The following PSMD8 variants were observed in gnomAD, a reference collection of about 807,000 sequenced individuals.
PSMD8 encodes proteasome 26S subunit, non-ATPase 8, also known as 26S proteasome non-ATPase regulatory subunit 8.
Under a neutral mutation model 40.0 loss-of-function variants are expected in PSMD8, and 30 were observed. The observed-to-expected ratio is 0.75, with a 90% CI of 0.56 to 1.02. The LOEUF is 1.02. Among genes scored for constraint, PSMD8 ranks in the 50% least tolerant of loss-of-function variants. The pLI, the probability that PSMD8 is intolerant of heterozygous loss-of-function variation, is 0.00. For synonymous variants in PSMD8, 208 were observed against 192.5 expected (o/e 1.08, Z -0.67); for missense variants, 461 against 463.9 (o/e 0.99, Z 0.06).
intron 6 of PSMD8, 97 bp from the exon 7 acceptor site, chr19:38,383,156 A>G (rs1276404639): frequency 6.7e-7 from 1 of 1,497,040 alleles, no homozygotes; most frequent in Admixed American, 1.8e-5. Flanking sequence ...TGGTGAGAAA[A>G]GAGAGCATAG....
intron 6 of PSMD8, 150 bp from the exon 7 acceptor site, chr19:38,383,103 A>C: frequency 1.1e-6 from 1 of 936,912 alleles, no homozygotes; most frequent in Non-Finnish European, 1.6e-6. Context: ...TGAGGCACAG[A>C]GAGGTGAAGT....
chr19:38,376,084 C>G (rs1970595097), intron 1 of PSMD8, 76 bp from the exon 2 acceptor site: 7 of 1,383,390 alleles, frequency 5.1e-6, no homozygotes, highest in Non-Finnish European at 7.0e-6. Flanking sequence ...GTGGGAAGAC[C>G]AGAGCGTAGA....
chr19:38,377,589 C>G (rs560619923), intron 3 of PSMD8, among the ~76,000 whole-genome samples: 1 of 152,064 alleles, frequency 6.6e-6, no homozygotes, highest in African/African-American at 2.4e-5. Flanking sequence ...CTCTGCCTCC[C>G]GGGTTCAAGC....
rs1464536904 is a variant in PSMD8, at chr19:38,376,762, A to C, written c.536+308A>C. 2.0e-5 allele frequency among the ~76,000 whole-genome samples: 3 copies of C among 152,088 alleles called. No homozygotes were observed. In the East Asian group the frequency reaches 5.8e-4, roughly 29 times the overall value. On this transcript the variant is annotated intron_variant, in intron 3 of 6. Coordinates refer to ENST00000215071, the MANE Select transcript of PSMD8 (RefSeq NM_002812.5). ...CTGTGGCAGCCAGTAGGATCATGTG[A>C]CACTAAAATTTGACACTGTCCATAC... is the stretch of plus-strand genomic sequence containing the variant.
intron 6 of PSMD8, chr19:38,382,834 C>T (rs2145130896): frequency 5.4e-6 from 1 of 185,024 alleles, no homozygotes; most frequent in Non-Finnish European, 1.1e-5. Flanking sequence ...TTGCTTGAAC[C>T]CAGGAGGGTG....
Position 38,380,955 on chromosome 19 carries a change from C to A in PSMD8, c.759C>A (p.Ala253=). The A allele has an allele frequency of 6.3e-7, 1 of 1,591,180 alleles. No homozygotes were observed. The highest frequency in any genetic ancestry group is 8.6e-7 in the Non-Finnish European group (1 of 1,167,952). Residue 253 remains alanine (A), a synonymous_variant, in exon 5 of 7, where the codon GCC becomes GCA. Transcript: ENST00000215071. Reference sequence around the variant, plus strand: ...TCCTGGCCAAGGGTAACATCCCCGCCGAGAGCTACACCTTCTTCATTGACA... The same window carrying A: ...TCCTGGCCAAGGGTAACATCCCCGCAGAGAGCTACACCTTCTTCATTGACA... ...KVFLAKGNIP[A]ESYTFFIDIL...
chr19:38,381,810 A>T (rs1970642715), intron 5 of PSMD8, among the ~76,000 whole-genome samples: 1 of 152,152 alleles, frequency 6.6e-6, no homozygotes, highest in Non-Finnish European at 1.5e-5. Flanking sequence ...GTGTTATGAG[A>T]AGAGATGCCC....
At chr19:38,380,861 C>T (rs1442530505) in intron 4 of PSMD8, 38 bp from the exon 5 acceptor site, 3 of 1,488,650 alleles carry the variant, frequency 2.0e-6, no homozygotes, top group African/African-American at 1.4e-5. Context: ...GCAGCCTCCT[C>T]TTCATTCTCT....
intron 1 of PSMD8, chr19:38,375,609 T>G: frequency 5.6e-6 from 1 of 177,196 alleles, no homozygotes; most frequent in Non-Finnish European, 1.2e-5. Context: ...GGCAGCCTAG[T>G]TGTGAAGGCA....
At chr19:38,375,223 G>A in intron 1 of PSMD8, 1 of 539,146 alleles carries the variant, frequency 1.9e-6, no homozygotes, top group Non-Finnish European at 3.2e-6. Flanking sequence ...GGGGAGCGTC[G>A]CTTGAGCCCA....
Position 38,374,617 on chromosome 19 carries a change from AG to A in PSMD8, c.19del (p.Ala7LeufsTer17). 6.7e-7 allele frequency: 1 copy of A among 1,494,874 alleles called. No homozygotes were observed. The highest frequency in any genetic ancestry group is 1.8e-4 in the Middle Eastern group (1 of 5,656). The allele number at this position is 1,494,874 out of a possible 1,614,324, so 92.6% of individuals were successfully genotyped here. A position where few individuals can be genotyped will look rare whatever the true frequency, so the allele number is the denominator to read the frequency against. MFIKG[R>X]APRAPPRERR... is the part of the protein sequence containing the mutation. ...TCCAACTGACATGTTCATTAAGGGC[AG>A]GGCTCCGAGGGCGCCACCTCGAGAG... On this transcript the variant is annotated frameshift_variant, in exon 1 of 7. Transcript: ENST00000215071. LOFTEE classifies it high-confidence loss of function.
intron 3 of PSMD8, among the ~76,000 whole-genome samples, chr19:38,377,509 T>A (rs553477961): frequency 4.0e-5 from 6 of 151,894 alleles, no homozygotes; most frequent in Non-Finnish European, 7.4e-5. Context: ...ACTTTTTTTT[T>A]TTTTGAGACG....
Position 38,383,384 on chromosome 19 carries a change from C to T in PSMD8, c.1047C>T (p.Ile349=), listed in dbSNP as rs1429790057. ...AGTATGCCCGGCAGCTGGAGATGAT[C>T]GTCTGAGCCCCCCGGGCACTGGGTG... ...VIEYARQLEM[I]V is the part of the protein sequence containing the mutation. Residue 349 remains isoleucine (I), a synonymous_variant, in exon 7 of 7, where the codon ATC becomes ATT. Coordinates refer to ENST00000215071, the MANE Select transcript of PSMD8 (RefSeq NM_002812.5). The T allele has an allele frequency of 6.2e-6, 10 of 1,613,774 alleles. No homozygotes were observed. Among genetic ancestry groups the T allele is most frequent in the South Asian group, 1.1e-5 (1 of 91,078 alleles).
Position 38,379,405 on chromosome 19 carries a change from A to C in PSMD8, c.702A>C (p.Gln234His). 1 of 1,613,896 alleles carries C rather than the reference A, an allele frequency of 6.2e-7. No individual in the cohort carries two copies. The highest frequency in any genetic ancestry group is 8.5e-7 in the Non-Finnish European group (1 of 1,179,836). Residue 234 changes from glutamine to histidine, a missense_variant and splice_region_variant, in exon 4 of 7, where the codon CAA (glutamine) becomes CAC (histidine). Gln to His is a conservative substitution (Grantham distance 24, BLOSUM62 0). Around this residue, in one of 2 missense-constraint regions of PSMD8, gnomAD observed 236 missense variants for 321.2 expected, o/e 0.73. Transcript: ENST00000215071. ...TCAAGCACCCAGTGTCCCTGGAGCA[A>C]GTGAGATGGCAAGGGGCAGGGGAGG... The part of the protein sequence containing the change: ...VYIKHPVSLE[Q>H]YLMEGSYNKV...
intron 2 of PSMD8, 21 bp downstream of exon 2, chr19:38,376,253 T>C (rs775585600): frequency 6.3e-7 from 1 of 1,578,916 alleles, no homozygotes; most frequent in Non-Finnish European, 8.6e-7. Context: ...CTGGGGTTGG[T>C]TGGGGGTGAT....
At chr19:38,381,987 A>T in intron 5 of PSMD8, 130 bp from the exon 6 acceptor site, 1 of 659,158 alleles carries the variant, frequency 1.5e-6, no homozygotes, top group Non-Finnish European at 2.6e-6. Flanking sequence ...TGAATAAAAC[A>T]GGGCCCTTCA....
At chr19:38,376,502 T>C in intron 3 of PSMD8, 48 bp downstream of exon 3, 1 of 1,456,046 alleles carries the variant, frequency 6.9e-7, no homozygotes, top group Non-Finnish European at 9.4e-7. Context: ...GCATGGAAGC[T>C]CCTTTATTTC....
chr19:38,375,056 C>G, intron 1 of PSMD8, 95 bp downstream of exon 1: 2 of 1,499,614 alleles, frequency 1.3e-6, no homozygotes, highest in Non-Finnish European at 1.8e-6. Context: ...CGGAAGCCAC[C>G]TCGGTGCCAG....
At chr19:38,375,629 C>T (rs943178852) in intron 1 of PSMD8, 1 of 181,162 alleles carries the variant, frequency 5.5e-6, no homozygotes, top group Non-Finnish European at 1.2e-5. Context: ...AGGACTGAAC[C>T]TAGAAGAAAT....
Sources: allele counts gnomAD v4.1 joint callset (sites outside exome capture counted in the v4.1 genomes callset), GRCh38; gene constraint gnomAD v4.1.1; regional missense constraint gnomAD v4.1.1; transcripts MANE v1.5; gene names NCBI Gene and HGNC (gene_info 2026-07-23, HGNC 2026-07-21).